Variants in EPHA6 observed in about 807,000 individuals in gnomAD.
EPHA6 encodes the protein EPH receptor A6, also known as ephrin type-A receptor 6.
EPHA6 carries 50 observed loss-of-function variants against 112.0 expected under a neutral mutation model. The observed-to-expected ratio is 0.45, with a 90% CI of 0.36 to 0.56. The LOEUF (loss-of-function observed/expected upper bound fraction) is 0.56, where lower values mean the gene tolerates loss of function less well. EPHA6 is among the 20% of genes least tolerant of loss of function. The probability of loss-of-function intolerance (pLI) is 0.00; values close to 1 mark genes in which losing one functional copy is unlikely to be tolerated. For missense variants in EPHA6, 1,280 were observed against 1,417.4 expected (o/e 0.90, Z 1.56); for synonymous variants, 529 against 490.7 (o/e 1.08, Z -1.03).
rs139059028 is a variant in EPHA6, at chr3:97,009,642, A to C, written c.1114+21649A>C. ...GGTGCTGGTTGCCCCTCCCCCAAGG[A>C]GTTTCGTTGGCTTAAGCAGATTCCA... On this transcript the variant is annotated intron_variant, in intron 3 of 17. Coordinates refer to ENST00000389672, the MANE Select transcript of EPHA6 (RefSeq NM_001080448.3). Among the ~76,000 whole-genome samples the C allele has an allele frequency of 5.3e-5, 8 of 152,280 alleles. No homozygotes were observed. In the East Asian group the frequency reaches 1.5e-3, roughly 29 times the overall value.
rs182976935 is a variant in EPHA6 at position 97,066,460 on chromosome 3, A to G, written c.1114+78467A>G. Among the ~76,000 whole-genome samples the G allele has an allele frequency of 2.0e-3, 307 of 152,300 alleles. 1 individual carries two copies. The highest frequency in any genetic ancestry group is 2.1e-3 in the Non-Finnish European group (144 of 68,006). The stretch of plus-strand genomic sequence containing the variant: ...ATTGACTTCAGTTATTAAATAGGTC[A>G]TATGTCCTGAGGTTTTAAGGTTTTA... On this transcript the variant is annotated intron_variant, in intron 3 of 17. Coordinates refer to ENST00000389672, the MANE Select transcript of EPHA6 (RefSeq NM_001080448.3).
At chr3:97,203,363 C>T (rs2108501424) in intron 3 of EPHA6, among the ~76,000 whole-genome samples, 1 of 152,192 alleles carries the variant, frequency 6.6e-6, no homozygotes, top group Middle Eastern at 3.4e-3. Flanking sequence ...GCCACAGGAA[C>T]TCACATAGCG....
intron 11 of EPHA6, among the ~76,000 whole-genome samples, chr3:97,555,204 C>G (rs1257071927): frequency 1.3e-5 from 2 of 151,256 alleles, no homozygotes; most frequent in Non-Finnish European, 2.9e-5. Context: ...CCTTGTGATA[C>G]TTTACTGAGA....
At chr3:96,881,588 A>C (rs1157774218) in intron 2 of EPHA6, among the ~76,000 whole-genome samples, 1 of 152,166 alleles carries the variant, frequency 6.6e-6, no homozygotes, top group Non-Finnish European at 1.5e-5. Flanking sequence ...AAACCATATT[A>C]TTCTGCCCCT....
intron 13 of EPHA6, among the ~76,000 whole-genome samples, chr3:97,614,527 G>A (rs374563759): frequency 1.6e-5 from 1 of 62,672 alleles, no homozygotes; most frequent in African/African-American, 4.9e-5. Flanking sequence ...TTTTTTTTTT[G>A]TATTTTAGAA....
intron 2 of EPHA6, among the ~76,000 whole-genome samples, chr3:96,985,565 T>C (rs2107838149): frequency 6.6e-6 from 1 of 152,292 alleles, no homozygotes; most frequent in African/African-American, 2.4e-5. Context: ...ATGGGAAATA[T>C]CATGTATATT....
chr3:97,019,219 A>G (rs2107973045), intron 3 of EPHA6, among the ~76,000 whole-genome samples: 1 of 152,278 alleles, frequency 6.6e-6, no homozygotes, highest in African/African-American at 2.4e-5. Flanking sequence ...TTGCCTTGGC[A>G]CCTGGGTGGC....
At chr3:97,154,195 T>A (rs931033353) in intron 3 of EPHA6, among the ~76,000 whole-genome samples, 12 of 151,856 alleles carry the variant, frequency 7.9e-5, no homozygotes, top group African/African-American at 2.9e-4. Context: ...CAGTCTTTGA[T>A]GGAAACTATT....
At chr3:97,294,860 C>CT (rs1470288829) in intron 5 of EPHA6, among the ~76,000 whole-genome samples, 4 of 152,102 alleles carry the variant, frequency 2.6e-5, no homozygotes, top group African/African-American at 9.7e-5. Flanking sequence ...TGAAGGATAA[C>CT]TTTGCTGGGT....
intron 14 of EPHA6, among the ~76,000 whole-genome samples, chr3:97,664,718 A>G (rs1319542069): frequency 6.6e-6 from 1 of 152,188 alleles, no homozygotes; most frequent in African/African-American, 2.4e-5. Flanking sequence ...ACTCCCATTC[A>G]CAATTGCTTC....
At chr3:97,262,383 A>G (rs1215118918) in intron 5 of EPHA6, among the ~76,000 whole-genome samples, 1 of 152,182 alleles carries the variant, frequency 6.6e-6, no homozygotes, top group Non-Finnish European at 1.5e-5. Context: ...ATCAATATTC[A>G]TATGTTTATA....
intron 2 of EPHA6, among the ~76,000 whole-genome samples, chr3:96,901,630 G>T (rs1234307874): frequency 6.6e-6 from 1 of 152,038 alleles, no homozygotes; most frequent in South Asian, 2.1e-4. Flanking sequence ...CTTCTTTGTT[G>T]CCAAAAGGCT....
intron 10 of EPHA6, among the ~76,000 whole-genome samples, chr3:97,488,144 C>A (rs1490523443): frequency 6.6e-6 from 1 of 152,154 alleles, no homozygotes; most frequent in African/African-American, 2.4e-5. Context: ...TTAAATTTGA[C>A]CTTCCCTGTT....
At chr3:96,853,246 A>G (rs1259479395) in intron 1 of EPHA6, among the ~76,000 whole-genome samples, 2 of 152,134 alleles carry the variant, frequency 1.3e-5, no homozygotes, top group Non-Finnish European at 2.9e-5. Context: ...AGTATCTAAT[A>G]GAACAGAAAC....
intron 2 of EPHA6, among the ~76,000 whole-genome samples, chr3:96,881,009 G>A (rs62262951): frequency 0.031 from 4,701 of 152,188 alleles, 104 homozygotes; most frequent in Middle Eastern, 0.068. Context: ...TTGAGTTCCT[G>A]CTTTCAGTTA....
intron 3 of EPHA6, among the ~76,000 whole-genome samples, chr3:97,176,107 A>T (rs2076828267): frequency 6.6e-6 from 1 of 151,884 alleles, no homozygotes; most frequent in African/African-American, 2.4e-5. Context: ...GATTTTTATC[A>T]TGAAGTCATG....
At chr3:96,989,891 A>G (rs1452301159) in intron 3 of EPHA6, among the ~76,000 whole-genome samples, 1 of 152,068 alleles carries the variant, frequency 6.6e-6, no homozygotes, top group African/African-American at 2.4e-5. Context: ...ACATAGACAC[A>G]CCATATCAGT....
chr3:97,457,141 C>G (rs545333219), intron 7 of EPHA6, among the ~76,000 whole-genome samples: 1 of 152,224 alleles, frequency 6.6e-6, no homozygotes, highest in South Asian at 2.1e-4. Context: ...GACCTCTCAC[C>G]CTCATCTGTT....
chr3:96,955,464 G>A (rs2041721172), intron 2 of EPHA6, among the ~76,000 whole-genome samples: 1 of 152,062 alleles, frequency 6.6e-6, no homozygotes, highest in South Asian at 2.1e-4. Flanking sequence ...GGAAGCAGAG[G>A]GAAACAGTTT....
Sources: allele counts gnomAD v4.1 joint callset (sites outside exome capture counted in the v4.1 genomes callset), GRCh38; gene constraint gnomAD v4.1.1; transcripts MANE v1.5; gene names NCBI Gene and HGNC (gene_info 2026-07-23, HGNC 2026-07-21).